Variants in GRM5 observed in about 807,000 individuals in gnomAD.
The protein encoded by GRM5 is glutamate metabotropic receptor 5, also known as metabotropic glutamate receptor 5.
A neutral mutation model predicts 83.1 loss-of-function variants in GRM5; 19 were observed. That is an observed-to-expected ratio of 0.23 (90% CI 0.16 to 0.34). The LOEUF (loss-of-function observed/expected upper bound fraction) is 0.34, where lower values mean the gene tolerates loss of function less well. GRM5 is among the 10% of genes least tolerant of loss of function. The pLI, the probability that GRM5 is intolerant of heterozygous loss-of-function variation, is 1.00. For synonymous variants in GRM5, 675 were observed against 633.6 expected (o/e 1.07, Z -0.98); for missense variants, 1,160 against 1,588.3 (o/e 0.73, Z 4.58).
At chr11:89,004,115 TAAATC>T (rs1006938787) in intron 2 of GRM5, among the ~76,000 whole-genome samples, 26 of 152,282 alleles carry the variant, frequency 1.7e-4, no homozygotes, top group Admixed American at 4.6e-4. Context: ...TAATTCAAAA[TAAATC>T]AAATAGCAGA....
chr11:88,552,153 T>C (rs1942524054), intron 8 of GRM5, among the ~76,000 whole-genome samples: 1 of 151,746 alleles, frequency 6.6e-6, no homozygotes, highest in Non-Finnish European at 1.5e-5. Context: ...GCCTCCTGAG[T>C]AACTGGTATG....
chr11:88,651,199 G>A (rs930252126), intron 4 of GRM5, among the ~76,000 whole-genome samples: 3 of 152,000 alleles, frequency 2.0e-5, no homozygotes, highest in East Asian at 3.9e-4. Context: ...TTTCAAGGCT[G>A]TATTTAAGCA....
chr11:89,046,950 A>G (rs1342135474), intron 2 of GRM5, among the ~76,000 whole-genome samples: 1 of 152,218 alleles, frequency 6.6e-6, no homozygotes, highest in Non-Finnish European at 1.5e-5. Context: ...ATAATATAGC[A>G]TCAGTATAGC....
At chr11:88,768,932 A>G (rs1329803312) in intron 3 of GRM5, among the ~76,000 whole-genome samples, 1 of 152,048 alleles carries the variant, frequency 6.6e-6, no homozygotes, top group Admixed American at 6.6e-5. Flanking sequence ...ACAGAATAAA[A>G]TTTTGTTGTT....
intron 2 of GRM5, among the ~76,000 whole-genome samples, chr11:88,858,426 G>A (rs1401178662): frequency 1.3e-5 from 2 of 151,960 alleles, no homozygotes; most frequent in African/African-American, 4.8e-5. Context: ...CATGCCAAGT[G>A]GTTTGCTGAG....
intron 3 of GRM5, among the ~76,000 whole-genome samples, chr11:88,821,840 C>T (rs1381982694): frequency 6.6e-6 from 1 of 152,152 alleles, no homozygotes; most frequent in African/African-American, 2.4e-5. Context: ...ACCATGAACT[C>T]ATTTGTCCCT....
At chr11:88,821,201 A>G (rs1432719926) in intron 3 of GRM5, among the ~76,000 whole-genome samples, 2 of 152,130 alleles carry the variant, frequency 1.3e-5, no homozygotes, top group Non-Finnish European at 2.9e-5. Flanking sequence ...TAAGTTTCTG[A>G]GAGCAAACCA....
intron 4 of GRM5, among the ~76,000 whole-genome samples, chr11:88,609,776 C>T (rs1011945137): frequency 1.3e-4 from 20 of 152,128 alleles, no homozygotes; most frequent in Admixed American, 1.1e-3. Flanking sequence ...GTTGCAATTG[C>T]TTTGGGGAAT....
chr11:88,983,485 A>G (rs1421290624), intron 2 of GRM5, among the ~76,000 whole-genome samples: 1 of 152,188 alleles, frequency 6.6e-6, no homozygotes, highest in African/African-American at 2.4e-5. Flanking sequence ...AGTTATTATA[A>G]TGTCATAGTG....
At chr11:88,726,770 A>G (rs1012474832) in intron 3 of GRM5, among the ~76,000 whole-genome samples, 3 of 104,166 alleles carry the variant, frequency 2.9e-5, no homozygotes, top group African/African-American at 8.2e-5. Context: ...TCAACCCAGA[A>G]TTTCATATCC....
At chr11:88,921,697 C>G (rs915251004) in intron 2 of GRM5, among the ~76,000 whole-genome samples, 10 of 151,774 alleles carry the variant, frequency 6.6e-5, no homozygotes, top group Non-Finnish European at 8.8e-5. Context: ...AGATTTGGAA[C>G]AAGATAAGGA....
intron 2 of GRM5, among the ~76,000 whole-genome samples, chr11:88,980,593 T>C (rs7938070): frequency 0.081 from 12,303 of 152,056 alleles, 1,539 homozygotes; most frequent in African/African-American, 0.27. Context: ...GAGGCAGAGG[T>C]GGGTGGATCA....
At chr11:88,833,317 T>G (rs530782) in intron 3 of GRM5, among the ~76,000 whole-genome samples, 66,669 of 150,860 alleles carry the variant, frequency 0.44, 17,436 homozygotes, top group African/African-American at 0.72. Flanking sequence ...GCATGAAAAA[T>G]TGGGCAAAAG....
At chr11:88,792,045 A>G (rs373326635) in intron 3 of GRM5, among the ~76,000 whole-genome samples, 3 of 152,270 alleles carry the variant, frequency 2.0e-5, no homozygotes, top group African/African-American at 4.8e-5. Context: ...TTGGGAGAGC[A>G]TGTTAGTCAG....
chr11:88,985,550 TA>T (rs57923958), intron 2 of GRM5, among the ~76,000 whole-genome samples: 6,444 of 151,960 alleles, frequency 0.042, 463 homozygotes, highest in African/African-American at 0.15. Context: ...CTTTCTGACA[TA>T]AAAAAAATTA....
intron 3 of GRM5, among the ~76,000 whole-genome samples, chr11:88,690,559 C>A (rs1940757821): frequency 6.6e-6 from 1 of 152,042 alleles, no homozygotes; most frequent in African/African-American, 2.4e-5. Context: ...TAAGGATCAT[C>A]ATAATTTGGC....
chr11:88,784,728 A>G (rs1251735322), intron 3 of GRM5, among the ~76,000 whole-genome samples: 1 of 152,112 alleles, frequency 6.6e-6, no homozygotes, highest in African/African-American at 2.4e-5. Context: ...CTTTTAAAAC[A>G]TGATTCCATA....
chr11:89,033,941 TTCAG>T (rs777132070), intron 2 of GRM5, among the ~76,000 whole-genome samples: 56 of 151,902 alleles, frequency 3.7e-4, no homozygotes, highest in Middle Eastern at 6.8e-3. Flanking sequence ...TATGAATCAA[TTCAG>T]TCAAAGATGT....
chr11:88,888,359 A>T (rs1289303709), intron 2 of GRM5, among the ~76,000 whole-genome samples: 2 of 152,192 alleles, frequency 1.3e-5, no homozygotes, highest in Non-Finnish European at 2.9e-5. Flanking sequence ...AGTAGGCCAA[A>T]TGGGAAAAGA....
Sources: allele counts gnomAD v4.1 joint callset (sites outside exome capture counted in the v4.1 genomes callset), GRCh38; gene constraint gnomAD v4.1.1; transcripts MANE v1.5; gene names NCBI Gene and HGNC (gene_info 2026-07-23, HGNC 2026-07-21).